Variants in HOMER1 observed in about 807,000 individuals in gnomAD.
HOMER1 encodes the protein homer protein homolog 1.
In HOMER1, 3 loss-of-function variants were observed where a neutral mutation model predicts 48.9. That is an observed-to-expected ratio of 0.06 (90% confidence interval 0.03 to 0.16). The LOEUF (loss-of-function observed/expected upper bound fraction) is 0.16. Ranked by LOEUF, HOMER1 falls within the 10% of genes least tolerant of loss-of-function variation. The pLI, the probability that HOMER1 is intolerant of heterozygous loss-of-function variation, is 1.00. For missense variants in HOMER1, 247 were observed against 411.4 expected (o/e 0.60, Z 3.46); for synonymous variants, 134 against 146.4 (o/e 0.92, Z 0.61).
chr5:79,458,281 A>C (rs552064304), intron 1 of HOMER1, among the ~76,000 whole-genome samples: 1 of 152,186 alleles, frequency 6.6e-6, no homozygotes, highest in East Asian at 1.9e-4. Flanking sequence ...GCATTTATCA[A>C]GCTTGTTTTT....
At chr5:79,425,718 A>G (rs2112254387) in intron 5 of HOMER1, among the ~76,000 whole-genome samples, 1 of 152,174 alleles carries the variant, frequency 6.6e-6, no homozygotes, top group East Asian at 1.9e-4. Context: ...ACATTCCATG[A>G]CATGGTTCTT....
At chr5:79,452,983 C>T (rs1236792565) in intron 2 of HOMER1, among the ~76,000 whole-genome samples, 3 of 152,126 alleles carry the variant, frequency 2.0e-5, no homozygotes, top group Non-Finnish European at 2.9e-5. Context: ...AGGAATCATT[C>T]GTTTATTCAA....
intron 5 of HOMER1, among the ~76,000 whole-genome samples, chr5:79,415,522 A>C (rs1488746989): frequency 6.6e-6 from 1 of 152,196 alleles, no homozygotes; most frequent in East Asian, 1.9e-4. Flanking sequence ...CATATATTAC[A>C]TGTGTACAAA....
chr5:79,492,805 A>T (rs1345003002), intron 1 of HOMER1, among the ~76,000 whole-genome samples: 1 of 152,088 alleles, frequency 6.6e-6, no homozygotes, highest in Admixed American at 6.6e-5. Flanking sequence ...AGGGGGGAAA[A>T]AGTGATACGT....
At chr5:79,480,348 AT>A (rs1429876167) in intron 1 of HOMER1, among the ~76,000 whole-genome samples, 1 of 152,170 alleles carries the variant, frequency 6.6e-6, no homozygotes, top group Non-Finnish European at 1.5e-5. Context: ...ATAAAAGTAG[AT>A]TTAAAAAATA....
At chr5:79,509,904 A>T (rs146999814) in intron 1 of HOMER1, among the ~76,000 whole-genome samples, 1 of 152,368 alleles carries the variant, frequency 6.6e-6, no homozygotes, top group African/African-American at 2.4e-5. Flanking sequence ...GTAATATGTG[A>T]AACACTTTAC....
chr5:79,382,081 A>T (rs1164315076), intron 8 of HOMER1, among the ~76,000 whole-genome samples: 3 of 152,214 alleles, frequency 2.0e-5, no homozygotes, highest in African/African-American at 7.2e-5. Context: ...CAGAACTCAA[A>T]GACAAGTCTT....
At chr5:79,454,280 T>C (rs1580461383) in intron 2 of HOMER1, among the ~76,000 whole-genome samples, 2 of 152,288 alleles carry the variant, frequency 1.3e-5, no homozygotes, top group East Asian at 1.9e-4. Flanking sequence ...CATGGGACTA[T>C]TCAGTTGACC....
intron 1 of HOMER1, among the ~76,000 whole-genome samples, chr5:79,463,674 C>G (rs1751379172): frequency 6.6e-6 from 1 of 152,200 alleles, no homozygotes; most frequent in Non-Finnish European, 1.5e-5. Flanking sequence ...GGTGGCAGTT[C>G]AGAACTATAC....
chr5:79,510,351 T>G, intron 1 of HOMER1: 1 of 501,000 alleles, frequency 2.0e-6, no homozygotes, highest in Non-Finnish European at 3.7e-6. Context: ...TTTCCCACTT[T>G]AAACAACAGC....
At chr5:79,404,776 C>T (rs1561350617) in intron 5 of HOMER1, among the ~76,000 whole-genome samples, 1 of 152,046 alleles carries the variant, frequency 6.6e-6, no homozygotes, top group Non-Finnish European at 1.5e-5. Flanking sequence ...ACAATCTCAG[C>T]TCATGCAACC....
intron 1 of HOMER1, among the ~76,000 whole-genome samples, chr5:79,477,411 A>G (rs1219653660): frequency 6.6e-6 from 1 of 152,124 alleles, no homozygotes; most frequent in Non-Finnish European, 1.5e-5. Context: ...TTCCATGGTA[A>G]TTTGGCCAGC....
intron 1 of HOMER1, among the ~76,000 whole-genome samples, chr5:79,481,196 C>T (rs4580757): frequency 0.08 from 12,220 of 152,200 alleles, 1,101 homozygotes; most frequent in East Asian, 0.23. Flanking sequence ...TCTCTCCTCA[C>T]GACACGTGTC....
At chr5:79,382,765 T>C (rs1168112953) in intron 8 of HOMER1, among the ~76,000 whole-genome samples, 1 of 152,004 alleles carries the variant, frequency 6.6e-6, no homozygotes, top group Non-Finnish European at 1.5e-5. Flanking sequence ...AGAATTCAAA[T>C]GGTATCACTA....
At chr5:79,456,746 A>T in intron 2 of HOMER1, 116 bp downstream of exon 2, 1 of 910,852 alleles carries the variant, frequency 1.1e-6, no homozygotes, top group Non-Finnish European at 1.6e-6. Flanking sequence ...TAAAAGTTTT[A>T]AGAACTCAAA....
chr5:79,421,297 G>T (rs928035174), intron 5 of HOMER1, among the ~76,000 whole-genome samples: 5 of 152,190 alleles, frequency 3.3e-5, no homozygotes, highest in African/African-American at 9.7e-5. Context: ...AAAACTTGTA[G>T]AACAAGTGTT....
At chr5:79,505,603 A>G (rs62364060) in intron 1 of HOMER1, among the ~76,000 whole-genome samples, 68,126 of 151,964 alleles carry the variant, frequency 0.45, 17,994 homozygotes, top group African/African-American at 0.74. Flanking sequence ...TTGTTTTATG[A>G]AAGAACATTA....
intron 1 of HOMER1, among the ~76,000 whole-genome samples, chr5:79,467,075 C>T (rs772791702): frequency 4.6e-5 from 7 of 152,104 alleles, no homozygotes; most frequent in Non-Finnish European, 8.8e-5. Flanking sequence ...CAGGTGTGAG[C>T]CACTGTGCCC....
intron 1 of HOMER1, among the ~76,000 whole-genome samples, chr5:79,482,075 C>G (rs1416942494): frequency 1.3e-5 from 2 of 151,938 alleles, no homozygotes; most frequent in Non-Finnish European, 2.9e-5. Flanking sequence ...AAAAAATTAG[C>G]TGGGCATGGT....
Sources: allele counts gnomAD v4.1 joint callset (sites outside exome capture counted in the v4.1 genomes callset), GRCh38; gene constraint gnomAD v4.1.1; transcripts MANE v1.5; gene names NCBI Gene and HGNC (gene_info 2026-07-23, HGNC 2026-07-21).